TLL1: variants seen among roughly 807,000 people sequenced by gnomAD.
The protein encoded by TLL1 is tolloid-like protein 1.
In TLL1, 49 loss-of-function variants were observed where a neutral mutation model predicts 128.2. The observed-to-expected ratio is 0.38, with a 90% CI of 0.30 to 0.48. The LOEUF is 0.48. Ranked by LOEUF, TLL1 falls within the 20% of genes least tolerant of loss-of-function variation. The pLI, the probability that TLL1 is intolerant of heterozygous loss-of-function variation, is 0.96. For missense variants in TLL1, 1,123 were observed against 1,242.0 expected, an observed-to-expected ratio of 0.90 and a Z score of 1.44; for synonymous variants, 454 against 418.8, an observed-to-expected ratio of 1.08 and a Z score of -1.03.
At chr4:165,967,040 G>A (rs899450146) in intron 1 of TLL1, among the ~76,000 whole-genome samples, 5 of 152,160 alleles carry the variant, frequency 3.3e-5, no homozygotes, top group African/African-American at 4.8e-5. Context: ...TCCCAGAGCA[G>A]CCAGTTTAGA....
chr4:165,976,744 T>C (rs1473167123), intron 1 of TLL1, among the ~76,000 whole-genome samples: 1 of 152,186 alleles, frequency 6.6e-6, no homozygotes, highest in African/African-American at 2.4e-5. Context: ...GTATTTAAAA[T>C]ATTTGGAAAA....
chr4:166,034,873 A>G (rs1273150353), intron 9 of TLL1, among the ~76,000 whole-genome samples: 1 of 152,178 alleles, frequency 6.6e-6, no homozygotes, highest in African/African-American at 2.4e-5. Flanking sequence ...AGGTGCCTGT[A>G]GATTCAGGTA....
chr4:166,041,605 A>G (rs2111092271), intron 10 of TLL1, among the ~76,000 whole-genome samples: 1 of 152,104 alleles, frequency 6.6e-6, no homozygotes, highest in South Asian at 2.1e-4. Flanking sequence ...GGCCGAGAGC[A>G]CATTCTTAAC....
At chr4:166,029,464 T>C (rs963102743) in intron 9 of TLL1, among the ~76,000 whole-genome samples, 3 of 152,054 alleles carry the variant, frequency 2.0e-5, no homozygotes, top group African/African-American at 7.2e-5. Flanking sequence ...AATGCTACCA[T>C]GGATTTTTGT....
intron 15 of TLL1, among the ~76,000 whole-genome samples, chr4:166,064,169 A>T (rs1740470035): frequency 6.6e-6 from 1 of 152,080 alleles, no homozygotes; most frequent in Non-Finnish European, 1.5e-5. Flanking sequence ...TCTTTTAATA[A>T]GTAAAGAAAA....
intron 6 of TLL1, among the ~76,000 whole-genome samples, chr4:166,006,575 T>A (rs1737439102): frequency 6.6e-6 from 1 of 151,742 alleles, no homozygotes; most frequent in African/African-American, 2.4e-5. Flanking sequence ...GATCATAGAT[T>A]TGTTATATTA....
intron 12 of TLL1, among the ~76,000 whole-genome samples, chr4:166,051,015 A>G (rs1021305218): frequency 2.0e-5 from 3 of 152,030 alleles, no homozygotes; most frequent in African/African-American, 7.2e-5. Context: ...CACTTTCCCT[A>G]TATTCTCTAT....
chr4:166,099,246 C>T (rs766106023), intron 19 of TLL1, 31 bp from the exon 20 acceptor site: 3 of 1,613,162 alleles, frequency 1.9e-6, no homozygotes, highest in East Asian at 2.2e-5. Context: ...GCTCATTGAC[C>T]TTACTCATCT....
intron 1 of TLL1, among the ~76,000 whole-genome samples, chr4:165,908,582 CA>C (rs575726410): frequency 0.053 from 3,387 of 63,580 alleles, 89 homozygotes; most frequent in African/African-American, 0.16. Context: ...GACCCTGTCT[CA>C]AAAAAAAAAA....
At chr4:166,098,544 C>G (rs1165255542) in intron 19 of TLL1, among the ~76,000 whole-genome samples, 1 of 151,892 alleles carries the variant, frequency 6.6e-6, no homozygotes, top group East Asian at 1.9e-4. Context: ...TTTAAAGGAG[C>G]TTTGAGGAAC....
intron 1 of TLL1, among the ~76,000 whole-genome samples, chr4:165,920,804 A>C (rs1209992146): frequency 6.6e-6 from 1 of 152,178 alleles, no homozygotes; most frequent in Non-Finnish European, 1.5e-5. Context: ...TCAACTTTAG[A>C]ACATTTTGCA....
At chr4:166,069,179 T>A (rs940524346) in intron 16 of TLL1, among the ~76,000 whole-genome samples, 7 of 151,822 alleles carry the variant, frequency 4.6e-5, no homozygotes, top group African/African-American at 1.7e-4. Context: ...GTGTATTTAA[T>A]TGAGTTAAAT....
intron 12 of TLL1, chr4:166,044,214 G>A (rs939798270): frequency 3.7e-5 from 21 of 563,664 alleles, no homozygotes; most frequent in African/African-American, 3.2e-4. Flanking sequence ...TACATGATTG[G>A]AGATGGAGTC....
chr4:165,944,788 G>T (rs1170203335), intron 1 of TLL1, among the ~76,000 whole-genome samples: 2 of 152,010 alleles, frequency 1.3e-5, no homozygotes, highest in Non-Finnish European at 1.5e-5. Context: ...TGAGATTTCT[G>T]CAGATGTGTA....
At chr4:166,035,570 T>G (rs774666695) in intron 9 of TLL1, among the ~76,000 whole-genome samples, 3 of 152,156 alleles carry the variant, frequency 2.0e-5, no homozygotes, top group Admixed American at 6.6e-5. Flanking sequence ...AGTTAGAACT[T>G]GAACCCAGGT....
intron 1 of TLL1, among the ~76,000 whole-genome samples, chr4:165,987,200 T>G (rs564479178): frequency 2.6e-5 from 4 of 152,086 alleles, no homozygotes; most frequent in Non-Finnish European, 5.9e-5. Context: ...TGAGAGTCCC[T>G]GCCAGTGGAT....
chr4:166,031,802 C>T (rs187107672), intron 9 of TLL1, among the ~76,000 whole-genome samples: 82 of 152,048 alleles, frequency 5.4e-4, no homozygotes, highest in African/African-American at 1.2e-3. Flanking sequence ...TAGAATTCAA[C>T]GTATAATGAT....
intron 15 of TLL1, among the ~76,000 whole-genome samples, chr4:166,062,524 G>A (rs1474446138): frequency 6.6e-6 from 1 of 152,112 alleles, no homozygotes; most frequent in Non-Finnish European, 1.5e-5. Flanking sequence ...CTGTTTGTCT[G>A]TTATTGGTGT....
At chr4:165,916,365 CTAAT>C (rs1732774760) in intron 1 of TLL1, among the ~76,000 whole-genome samples, 2 of 152,274 alleles carry the variant, frequency 1.3e-5, no homozygotes, top group African/African-American at 2.4e-5. Flanking sequence ...TTTATTAAAA[CTAAT>C]TGAGTGCACA....
Sources: gnomAD v4.1 joint callset for allele counts (sites outside exome capture counted in the v4.1 genomes callset) on GRCh38, gnomAD v4.1.1 for gene constraint, MANE v1.5 for transcripts, NCBI Gene and HGNC (gene_info 2026-07-23, HGNC 2026-07-21) for gene names.